The following FAM117B variants were observed in gnomAD, a reference collection of about 807,000 sequenced individuals.
The protein encoded by FAM117B is family with sequence similarity 117 member B, also known as protein FAM117B.
In FAM117B, 22 loss-of-function variants were observed where a neutral mutation model predicts 52.8. The observed-to-expected ratio is 0.42, with a 90% confidence interval of 0.30 to 0.59. FAM117B has a LOEUF of 0.59. Among genes scored for constraint, FAM117B ranks in the 20% least tolerant of loss-of-function variants. The pLI is 0.22. For synonymous variants in FAM117B, 309 were observed against 324.1 expected (o/e 0.95, Z 0.50); for missense variants, 678 against 802.6 (o/e 0.84, Z 1.88).
In FAM117B at chr2:202,752,206, C is replaced by T. The variant is rs114819530; in HGVS notation, c.961-3332C>T. 8.4e-3 allele frequency among the ~76,000 whole-genome samples: 1,281 copies of T among 152,176 alleles called. 5 individuals are homozygous for T. Among genetic ancestry groups the T allele is most frequent in the Non-Finnish European group, 0.014 (951 of 67,986 alleles). On this transcript the variant is annotated intron_variant, in intron 4 of 7. Coordinates refer to ENST00000392238, the MANE Select transcript of FAM117B (RefSeq NM_173511.4). ...GTTTTCTGAGCATTCATGCTTTAGA[C>T]GCCAGGCACCATACCAGGTTTCCTG... is the stretch of plus-strand genomic sequence containing the variant.
At chr2:202,679,587 T>C (rs1690432114) in intron 1 of FAM117B, among the ~76,000 whole-genome samples, 1 of 152,222 alleles carries the variant, frequency 6.6e-6, no homozygotes, top group Non-Finnish European at 1.5e-5. Context: ...TAAGTTGTTT[T>C]TGATCACCCA....
At chr2:202,658,897 TG>T (rs1690087376) in intron 1 of FAM117B, among the ~76,000 whole-genome samples, 1 of 152,160 alleles carries the variant, frequency 6.6e-6, no homozygotes, top group African/African-American at 2.4e-5. Context: ...TGGAAGGTTT[TG>T]TTTTGTCAAA....
At chr2:202,740,856 A>T (rs1691522526) in intron 4 of FAM117B, among the ~76,000 whole-genome samples, 1 of 151,946 alleles carries the variant, frequency 6.6e-6, no homozygotes, top group Admixed American at 6.6e-5. Context: ...GAATATCTAC[A>T]TTGATACAAA....
chr2:202,635,575 G>A lies in FAM117B; in HGVS notation c.388G>A (p.Ala130Thr). 1 of 1,235,486 alleles carries A rather than the reference G, an allele frequency of 8.1e-7. No individual in the cohort carries two copies. The highest frequency in any genetic ancestry group is 1.0e-6 in the Non-Finnish European group (1 of 993,468). 76.5% of individuals were successfully genotyped at this position (1,235,486 alleles called of 1,614,324 possible). The change falls in exon 1 of 8, where the codon GCG becomes ACG. Residue 130 changes from alanine to threonine, a missense_variant. Ala to Thr is a moderately conservative substitution (Grantham distance 58, BLOSUM62 0). Transcript: ENST00000392238. ...TRGTSPTRSA[A>T]PGARGSPPRP... ...AGGCACCAGCCCCACGCGCAGCGCCGCGCCTGGAGCTCGCGGGAGCCCCCC... is the reference window on the plus strand; with the variant it reads ...AGGCACCAGCCCCACGCGCAGCGCCACGCCTGGAGCTCGCGGGAGCCCCCC...
rs886685908 is a variant in FAM117B at position 202,731,362 on chromosome 2, T to C, written c.960+4999T>C. ...ATATATATATATATATATATATATA[T>C]ATATATGGAGAGAGAGAGAAGCTCC... On this transcript the variant is annotated intron_variant, in intron 4 of 7. Coordinates refer to ENST00000392238, the MANE Select transcript of FAM117B (RefSeq NM_173511.4). 5.3e-5 allele frequency among the ~76,000 whole-genome samples: 7 copies of C among 131,340 alleles called. No homozygotes were observed. In the East Asian group the frequency reaches 6.9e-4, roughly 13 times the overall value. 86.2% of individuals were successfully genotyped at this position (131,340 alleles called of 152,430 possible). A position where few individuals can be genotyped will look rare whatever the true frequency, so the allele number is the denominator to read the frequency against.
chr2:202,742,513 A>G (rs1691559490), intron 4 of FAM117B, among the ~76,000 whole-genome samples: 1 of 152,202 alleles, frequency 6.6e-6, no homozygotes, highest in South Asian at 2.1e-4. Flanking sequence ...AGACCACACC[A>G]TATACAAAAA....
chr2:202,766,106 A>ACC lies in FAM117B; in HGVS notation c.*345_*346dup, dbSNP rs57350676. On this transcript the variant is annotated 3_prime_UTR_variant, in exon 8 of 8. Transcript: ENST00000392238. ...CACACACACACACACACACACACAC[A>ACC]CCCCTGATCCTTGCCAACATGATTC... The ACC allele has an allele frequency of 1.5e-4, 25 of 167,520 alleles. No individual in the cohort carries two copies. Among genetic ancestry groups the ACC allele is most frequent in the Admixed American group, 2.8e-4 (4 of 14,536 alleles). The allele number at this position is 167,520 out of a possible 1,614,324, so 10.4% of individuals were successfully genotyped here.
At chr2:202,749,270 A>G (rs1225577490) in intron 4 of FAM117B, among the ~76,000 whole-genome samples, 8 of 152,168 alleles carry the variant, frequency 5.3e-5, no homozygotes, top group Non-Finnish European at 1.0e-4. Flanking sequence ...ATAATTGTCT[A>G]GGAGGATGTG....
In FAM117B at chr2:202,766,096, A is replaced by ACC. The variant is rs1309604360; in HGVS notation, c.*333_*334insCC. ...CACACACACACACACACACACACAC[A>ACC]CACACACACACCCCTGATCCTTGCC... On this transcript the variant is annotated 3_prime_UTR_variant, in exon 8 of 8. Transcript: ENST00000392238. 3 of 234,006 alleles carry ACC rather than the reference A, an allele frequency of 1.3e-5. No homozygotes were observed. Among genetic ancestry groups the ACC allele is most frequent in the Non-Finnish European group, 2.5e-5 (3 of 119,284 alleles). The allele number at this position is 234,006 out of a possible 1,614,324, so 14.5% of individuals were successfully genotyped here. A position where few individuals can be genotyped will look rare whatever the true frequency, so the allele number is the denominator to read the frequency against.
chr2:202,696,821 T>C (rs1690718715), intron 2 of FAM117B, among the ~76,000 whole-genome samples: 1 of 152,180 alleles, frequency 6.6e-6, no homozygotes, highest in African/African-American at 2.4e-5. Flanking sequence ...GTGCCAGCAC[T>C]TTGGGAGGCC....
At chr2:202,642,592 T>C (rs1056333502) in intron 1 of FAM117B, among the ~76,000 whole-genome samples, 3 of 152,086 alleles carry the variant, frequency 2.0e-5, no homozygotes, top group Non-Finnish European at 4.4e-5. Flanking sequence ...GAAAATGAAC[T>C]CAGTTGTGGA....
chr2:202,635,823 G>A (rs1689675505), intron 1 of FAM117B, 35 bp downstream of exon 1: 5 of 1,397,944 alleles, frequency 3.6e-6, no homozygotes, highest in Non-Finnish European at 4.6e-6. Flanking sequence ...AGGGGGAGGC[G>A]GCTGCGGGAA....
In FAM117B at chr2:202,765,562, C is replaced by T. The variant is rs766470965; in HGVS notation, c.1568C>T (p.Pro523Leu). The change falls in exon 8 of 8, where the codon CCT becomes CTT. Residue 523 changes from proline (P) to leucine (L), a missense_variant. Around this residue, in one of 3 missense-constraint regions of FAM117B, gnomAD observed 68 missense variants for 80.6 expected, o/e 0.84. Coordinates refer to ENST00000392238, the MANE Select transcript of FAM117B (RefSeq NM_173511.4). The part of the protein sequence containing the change: ...CLVSILKPLL[P>L]TPDLTLKGSG... ...GTCAGCATCCTCAAGCCACTCCTTC[C>T]TACCCCGGATCTTACACTCAAGGGC... is the stretch of plus-strand genomic sequence containing the variant. The T allele has an allele frequency of 1.2e-6, 2 of 1,614,114 alleles. No homozygotes were observed. Among genetic ancestry groups the T allele is most frequent in the Non-Finnish European group, 1.7e-6 (2 of 1,180,020 alleles).
chr2:202,652,212 C>T (rs536283433), intron 1 of FAM117B, among the ~76,000 whole-genome samples: 5 of 152,238 alleles, frequency 3.3e-5, no homozygotes, highest in East Asian at 1.9e-4. Context: ...GATCCTCCCA[C>T]CTCAGCCTCC....
rs35592314 is a variant in FAM117B, at chr2:202,664,346, CAT to C, written c.601+28560_601+28561del. On this transcript the variant is annotated intron_variant, in intron 1 of 7. Coordinates refer to ENST00000392238, the MANE Select transcript of FAM117B (RefSeq NM_173511.4). ...ATATTTGAAAGAATTAGCTTGGCAA[CAT>C]AGTAGAATAGCCTGGAATGTCTGAG... 5.3e-3 allele frequency among the ~76,000 whole-genome samples: 807 copies of C among 152,214 alleles called. 12 individuals carry two copies. Among genetic ancestry groups the C allele is most frequent in the East Asian group, 0.033 (171 of 5,182 alleles).
intron 1 of FAM117B, among the ~76,000 whole-genome samples, chr2:202,637,360 C>G (rs1574535445): frequency 6.6e-6 from 1 of 151,176 alleles, no homozygotes; most frequent in Non-Finnish European, 1.5e-5. Context: ...TGGGTTCAAG[C>G]GATTCTCCTA....
At chr2:202,691,673 G>A (rs1690628254) in intron 1 of FAM117B, among the ~76,000 whole-genome samples, 1 of 149,934 alleles carries the variant, frequency 6.7e-6, no homozygotes, top group Non-Finnish European at 1.5e-5. Context: ...GTGTGTGTGT[G>A]TGTGTGTGTG....
At chr2:202,651,228 A>G (rs1689951493) in intron 1 of FAM117B, among the ~76,000 whole-genome samples, 1 of 151,780 alleles carries the variant, frequency 6.6e-6, no homozygotes, top group Non-Finnish European at 1.5e-5. Context: ...CGCCCAGCTA[A>G]TTTTTGTATT....
At chr2:202,650,372 ACAGAGTAG>A (rs1422846463) in intron 1 of FAM117B, among the ~76,000 whole-genome samples, 2 of 152,172 alleles carry the variant, frequency 1.3e-5, no homozygotes, top group African/African-American at 4.8e-5. Flanking sequence ...CTGTATTCAT[ACAGAGTAG>A]GCCATGGACT....
Sources: gnomAD v4.1 joint callset for allele counts (sites outside exome capture counted in the v4.1 genomes callset) on GRCh38, gnomAD v4.1.1 for gene constraint, gnomAD v4.1.1 regional missense constraint, MANE v1.5 for transcripts, NCBI Gene and HGNC (gene_info 2026-07-23, HGNC 2026-07-21) for gene names.